CACNG2: variants seen among roughly 807,000 people sequenced by gnomAD.
CACNG2 encodes the protein calcium voltage-gated channel auxiliary subunit gamma 2.
Under a neutral mutation model 25.9 loss-of-function variants are expected in CACNG2, and 3 were observed. The ratio of observed to expected loss-of-function variants is 0.12; its 90% CI spans 0.05 to 0.30. The LOEUF (loss-of-function observed/expected upper bound fraction) is 0.30, where lower values mean the gene tolerates loss of function less well. CACNG2 is among the 10% of genes least tolerant of loss of function. The pLI, the probability that CACNG2 is intolerant of heterozygous loss-of-function variation, is 1.00. For synonymous variants in CACNG2, 167 were observed against 173.3 expected (o/e 0.96, Z 0.29); for missense variants, 341 against 432.5 (o/e 0.79, Z 1.88).
At chr22:36,607,920 A>G (rs913335713) in intron 1 of CACNG2, among the ~76,000 whole-genome samples, 1 of 152,252 alleles carries the variant, frequency 6.6e-6, no homozygotes, top group Admixed American at 6.5e-5. Flanking sequence ...CAGCAGAGCT[A>G]GAAGCCACAG....
At chr22:36,661,696 T>C (rs1441971909) in intron 1 of CACNG2, among the ~76,000 whole-genome samples, 1 of 152,006 alleles carries the variant, frequency 6.6e-6, no homozygotes, top group Non-Finnish European at 1.5e-5. Flanking sequence ...GACAGTCCCC[T>C]AGCTGTGGGG....
Position 36,702,508 on chromosome 22 carries a change from C to T in CACNG2, c.69G>A (p.Leu23=). Residue 23 remains leucine, a synonymous_variant, in exon 1 of 4, where the codon CTG becomes CTA. Transcript: ENST00000300105. ...TTVGAFAAFS[L]MTIAVGTDYW... ...AGTCGGTTCCCACAGCTATGGTCAT[C>T]AGGCTGAAGGCAGCGAAAGCACCAA... is the stretch of plus-strand genomic sequence containing the variant. 1 of 1,614,134 alleles carries T rather than the reference C, an allele frequency of 6.2e-7. No individual in the cohort carries two copies. The highest frequency in any genetic ancestry group is 8.5e-7 in the Non-Finnish European group (1 of 1,180,012).
intron 1 of CACNG2, among the ~76,000 whole-genome samples, chr22:36,648,431 C>G (rs568231439): frequency 1.7e-4 from 26 of 152,178 alleles, no homozygotes; most frequent in Non-Finnish European, 3.4e-4. Context: ...ATAAACGACC[C>G]TCTCTTGCTA....
intron 1 of CACNG2, among the ~76,000 whole-genome samples, chr22:36,608,837 T>C (rs1428602398): frequency 6.6e-6 from 1 of 152,222 alleles, no homozygotes; most frequent in African/African-American, 2.4e-5. Context: ...TAAGTTAATC[T>C]ACATGTGAGC....
At chr22:36,639,086 G>T (rs767120668) in intron 1 of CACNG2, among the ~76,000 whole-genome samples, 9 of 152,174 alleles carry the variant, frequency 5.9e-5, no homozygotes, top group Non-Finnish European at 8.8e-5. Flanking sequence ...TCTGAGGCAG[G>T]TGTTCCAGGT....
chr22:36,675,891 C>T (rs1937013087), intron 1 of CACNG2, among the ~76,000 whole-genome samples: 1 of 152,244 alleles, frequency 6.6e-6, no homozygotes, highest in Non-Finnish European at 1.5e-5. Context: ...ATAGCACCCA[C>T]TGTTTGACAG....
rs1295165816 is a variant in CACNG2 at position 36,610,708 on chromosome 22, C to T, written c.212-23160G>A. 2.0e-5 allele frequency among the ~76,000 whole-genome samples: 3 copies of T among 152,296 alleles called. No individual in the cohort carries two copies. The East Asian group carries it at 5.8e-4, about 29-fold the overall frequency. ...ACCACAATCCCCAGGAGGAATGGGG[C>T]TTCCATGGGACAAGGAAAGTTACTG... On this transcript the variant is annotated intron_variant, in intron 1 of 3. Coordinates refer to ENST00000300105, the MANE Select transcript of CACNG2 (RefSeq NM_006078.5).
intron 1 of CACNG2, among the ~76,000 whole-genome samples, chr22:36,613,010 T>C (rs1193685931): frequency 6.6e-6 from 1 of 152,190 alleles, no homozygotes; most frequent in South Asian, 2.1e-4. Flanking sequence ...GCAAGTAAGT[T>C]TGGGAAATGC....
At chr22:36,661,242 A>G (rs947322380) in intron 1 of CACNG2, among the ~76,000 whole-genome samples, 3 of 152,044 alleles carry the variant, frequency 2.0e-5, no homozygotes, top group Admixed American at 6.5e-5. Context: ...ATGGGGTGTG[A>G]CTCTCTGTAG....
At chr22:36,666,015 T>C (rs1936869961) in intron 1 of CACNG2, among the ~76,000 whole-genome samples, 1 of 152,212 alleles carries the variant, frequency 6.6e-6, no homozygotes, top group African/African-American at 2.4e-5. Context: ...TATATACATA[T>C]GGTGGAATAT....
At chr22:36,655,263 C>T (rs1936685774) in intron 1 of CACNG2, among the ~76,000 whole-genome samples, 1 of 152,158 alleles carries the variant, frequency 6.6e-6, no homozygotes, top group African/African-American at 2.4e-5. Flanking sequence ...ATGTAGCCTA[C>T]TGGGCTTATG....
chr22:36,651,929 T>C (rs1569041147), intron 1 of CACNG2, among the ~76,000 whole-genome samples: 3 of 152,104 alleles, frequency 2.0e-5, no homozygotes, highest in Non-Finnish European at 2.9e-5. Flanking sequence ...AGTGGCGTGA[T>C]CTCGGCTCAC....
chr22:36,588,594 G>T (rs1032337665), intron 1 of CACNG2, among the ~76,000 whole-genome samples: 1 of 152,218 alleles, frequency 6.6e-6, no homozygotes, highest in Non-Finnish European at 1.5e-5. Context: ...ATGCTGGGGC[G>T]TATGCACAGT....
At chr22:36,648,973 C>T (rs1936569085) in intron 1 of CACNG2, among the ~76,000 whole-genome samples, 1 of 152,166 alleles carries the variant, frequency 6.6e-6, no homozygotes, top group Non-Finnish European at 1.5e-5. Context: ...TTAGATTGTA[C>T]CTAAAACTCT....
At chr22:36,616,535 A>G (rs1255357986) in intron 1 of CACNG2, among the ~76,000 whole-genome samples, 2 of 152,096 alleles carry the variant, frequency 1.3e-5, no homozygotes, top group African/African-American at 2.4e-5. Context: ...ACTAGAGAGT[A>G]TTGCTGATAG....
At chr22:36,577,280 C>A (rs1935334957) in intron 2 of CACNG2, among the ~76,000 whole-genome samples, 1 of 152,152 alleles carries the variant, frequency 6.6e-6, no homozygotes, top group South Asian at 2.1e-4. Flanking sequence ...GTTACTGAGG[C>A]TGCTATTTAT....
intron 2 of CACNG2, among the ~76,000 whole-genome samples, chr22:36,587,122 T>C (rs112412578): frequency 6.6e-6 from 1 of 151,876 alleles, no homozygotes; most frequent in Non-Finnish European, 1.5e-5. Context: ...AGTTGGGAGA[T>C]GGTTACTCAA....
chr22:36,691,284 G>C (rs1366889789), intron 1 of CACNG2, among the ~76,000 whole-genome samples: 2 of 118,316 alleles, frequency 1.7e-5, no homozygotes, highest in Non-Finnish European at 3.6e-5. Flanking sequence ...ATGTGGCTGG[G>C]AAAGGGGCCT....
intron 1 of CACNG2, among the ~76,000 whole-genome samples, chr22:36,605,083 C>T (rs999519702): frequency 6.6e-6 from 1 of 151,548 alleles, no homozygotes; most frequent in Non-Finnish European, 1.5e-5. Flanking sequence ...CCCAACATAA[C>T]TTTTTTTTTG....
Sources: allele counts gnomAD v4.1 joint callset (sites outside exome capture counted in the v4.1 genomes callset), GRCh38; gene constraint gnomAD v4.1.1; transcripts MANE v1.5; gene names NCBI Gene and HGNC (gene_info 2026-07-23, HGNC 2026-07-21).